The following GNAO1 variants were observed in gnomAD, a reference collection of about 807,000 sequenced individuals.
GNAO1 encodes guanine nucleotide-binding protein G(o) subunit alpha.
For synonymous variants in GNAO1, 164 were observed against 180.7 expected (o/e 0.91, Z 0.74); for missense variants, 166 against 478.7 (o/e 0.35, Z 6.10).
chr16:56,204,839 G>A lies in GNAO1; in HGVS notation c.161+12223G>A, dbSNP rs866662166. Among the ~76,000 whole-genome samples, 14 of 152,240 alleles carry A rather than the reference G, an allele frequency of 9.2e-5. No individual in the cohort carries two copies. In the South Asian group the frequency reaches 2.3e-3, roughly 25 times the overall value. On this transcript the variant is annotated intron_variant, in intron 2 of 8. Transcript: ENST00000262493. ...CTGTTTAGCTTGATGGTCCCCAGGCGAGTTCCTTAACTTCCTTAGGACTTA... is the reference window on the plus strand; with the variant it reads ...CTGTTTAGCTTGATGGTCCCCAGGCAAGTTCCTTAACTTCCTTAGGACTTA...
At chr16:56,207,539 A>G (rs2036341766) in intron 2 of GNAO1, among the ~76,000 whole-genome samples, 1 of 152,202 alleles carries the variant, frequency 6.6e-6, no homozygotes, top group African/African-American at 2.4e-5. Flanking sequence ...GAACATTCTT[A>G]ATTGTTATCA....
chr16:56,213,044 T>C (rs2036405405), intron 2 of GNAO1, among the ~76,000 whole-genome samples: 1 of 152,216 alleles, frequency 6.6e-6, no homozygotes, highest in Non-Finnish European at 1.5e-5. Flanking sequence ...CACGGACATC[T>C]GCTCACCTGT....
intron 2 of GNAO1, among the ~76,000 whole-genome samples, chr16:56,261,833 G>A (rs1326420651): frequency 2.6e-5 from 4 of 152,156 alleles, no homozygotes; most frequent in African/African-American, 7.2e-5. Flanking sequence ...CTGTGTGACC[G>A]TCCGATGCCC....
chr16:56,257,797 G>A (rs1411924261), intron 2 of GNAO1, among the ~76,000 whole-genome samples: 4 of 152,188 alleles, frequency 2.6e-5, no homozygotes, highest in African/African-American at 7.2e-5. Flanking sequence ...CTCTGTGAAG[G>A]AGTCCTAATG....
intron 2 of GNAO1, among the ~76,000 whole-genome samples, chr16:56,257,881 G>A (rs1183907935): frequency 6.6e-6 from 1 of 152,194 alleles, no homozygotes; most frequent in Non-Finnish European, 1.5e-5. Flanking sequence ...TGTGGATCAC[G>A]AGAGCACCAG....
At chr16:56,335,796 C>G (rs1272408958) in intron 5 of GNAO1, among the ~76,000 whole-genome samples, 2 of 152,228 alleles carry the variant, frequency 1.3e-5, no homozygotes, top group African/African-American at 4.8e-5. Context: ...AATAAGCATT[C>G]TGGAGGGGCC....
Position 56,355,034 on chromosome 16 carries a change from G to A in GNAO1, c.1046G>A (p.Arg349Gln). The change falls in exon 8 of 9, where the codon CGG becomes CAG. Residue 349 changes from arginine (R) to glutamine (Q), a missense_variant. By Grantham distance (43) the Arg-to-Gln change is conservative. Coordinates refer to ENST00000262493, the MANE Select transcript of GNAO1 (RefSeq NM_020988.3). The part of the protein sequence containing the change: ...VTDIIIANNL[R>Q]GCGLY ...GACATCATCATTGCCAACAACCTCC[G>A]GGGCTGCGGCTTGTACTGACCTCTT... is the stretch of plus-strand genomic sequence containing the variant. 1 of 1,612,824 alleles carries A rather than the reference G, an allele frequency of 6.2e-7. No homozygotes were observed. The highest frequency in any genetic ancestry group is 8.5e-7 in the Non-Finnish European group (1 of 1,179,182).
In GNAO1 at chr16:56,301,212, G is replaced by A. The variant is rs1024284876; in HGVS notation, c.303+25140G>A. ...TCAGGTAAACAGAGTTTGGGCTTAC[G>A]CTAACAATACGATTGATGGGGTGGG... is the stretch of plus-strand genomic sequence containing the variant. On this transcript the variant is annotated intron_variant, in intron 3 of 8. Coordinates refer to ENST00000262493, the MANE Select transcript of GNAO1 (RefSeq NM_020988.3). 2.0e-5 allele frequency: 3 copies of A among 152,234 alleles called. No homozygotes were observed. In the East Asian group the frequency reaches 5.8e-4, roughly 29 times the overall value. The allele number at this position is 152,234 out of a possible 1,614,324, so 9.4% of individuals were successfully genotyped here.
At chr16:56,348,226 C>A in intron 6 of GNAO1, 1 of 982,138 alleles carries the variant, frequency 1.0e-6, no homozygotes, top group Non-Finnish European at 1.2e-6. Flanking sequence ...TTGTCAGGGC[C>A]CAGGGAGCTC....
chr16:56,223,383 C>T (rs2036507888), intron 2 of GNAO1, among the ~76,000 whole-genome samples: 1 of 152,224 alleles, frequency 6.6e-6, no homozygotes, highest in South Asian at 2.1e-4. Context: ...CTGACTCTTC[C>T]TCCATTGTTA....
intron 6 of GNAO1, among the ~76,000 whole-genome samples, chr16:56,350,475 C>T (rs1204842977): frequency 6.6e-6 from 1 of 152,202 alleles, no homozygotes; most frequent in Non-Finnish European, 1.5e-5. Context: ...AGCTCAGCGC[C>T]CCAAAGCAGA....
intron 3 of GNAO1, among the ~76,000 whole-genome samples, chr16:56,317,621 C>T (rs1381548969): frequency 6.6e-6 from 1 of 151,866 alleles, no homozygotes; most frequent in Non-Finnish European, 1.5e-5. Flanking sequence ...GATGGATGAA[C>T]TGGGGTGGCT....
At chr16:56,263,104 C>A (rs566880123) in intron 2 of GNAO1, among the ~76,000 whole-genome samples, 7 of 152,316 alleles carry the variant, frequency 4.6e-5, no homozygotes, top group Non-Finnish European at 7.3e-5. Flanking sequence ...AGTCTAGTTA[C>A]AATCACAAGG....
chr16:56,196,381 C>G (rs2036233612), intron 2 of GNAO1, among the ~76,000 whole-genome samples: 1 of 152,172 alleles, frequency 6.6e-6, no homozygotes, highest in African/African-American at 2.4e-5. Flanking sequence ...GTCAATAAGA[C>G]TCTGAGTTAT....
chr16:56,196,075 T>C (rs1291184929), intron 2 of GNAO1, among the ~76,000 whole-genome samples: 2 of 152,114 alleles, frequency 1.3e-5, no homozygotes, highest in African/African-American at 4.8e-5. Context: ...AGAGTGTCAT[T>C]TGAAAAGCCT....
chr16:56,328,874 A>G, intron 4 of GNAO1, 83 bp downstream of exon 4: 3 of 1,429,502 alleles, frequency 2.1e-6, no homozygotes, highest in Non-Finnish European at 2.9e-6. Flanking sequence ...TTGGCAGAGC[A>G]AGGAGGATTC....
At chr16:56,248,907 C>G (rs2036773659) in intron 2 of GNAO1, among the ~76,000 whole-genome samples, 1 of 151,060 alleles carries the variant, frequency 6.6e-6, no homozygotes, top group Non-Finnish European at 1.5e-5. Context: ...GTTGATCTCA[C>G]TGTGGAGAAC....
chr16:56,195,870 T>C (rs565719600), intron 2 of GNAO1, among the ~76,000 whole-genome samples: 8 of 152,354 alleles, frequency 5.3e-5, no homozygotes, highest in African/African-American at 1.7e-4. Context: ...GTGTGCTAAT[T>C]TGAAGAAACT....
intron 2 of GNAO1, among the ~76,000 whole-genome samples, chr16:56,206,907 G>T (rs1375630009): frequency 2.0e-5 from 3 of 152,154 alleles, no homozygotes; most frequent in Admixed American, 2.0e-4. Flanking sequence ...CCTTACACCA[G>T]CTTATTGATG....
Sources: gnomAD v4.1 joint callset for allele counts (sites outside exome capture counted in the v4.1 genomes callset) on GRCh38, gnomAD v4.1.1 for gene constraint, MANE v1.5 for transcripts, NCBI Gene and HGNC (gene_info 2026-07-23, HGNC 2026-07-21) for gene names.